The following RIMS1 variants were observed in gnomAD, a reference collection of about 807,000 sequenced individuals.
The protein encoded by RIMS1 is regulating synaptic membrane exocytosis protein 1.
Under a neutral mutation model 214.1 loss-of-function variants are expected in RIMS1, and 83 were observed. The observed-to-expected ratio is 0.39, with a 90% CI of 0.32 to 0.47. The LOEUF (loss-of-function observed/expected upper bound fraction) is 0.47, where lower values mean the gene tolerates loss of function less well. Ranked by LOEUF, RIMS1 falls within the 20% of genes least tolerant of loss-of-function variation. The pLI is 0.99. For missense variants in RIMS1, 2,050 were observed against 2,161.8 expected (o/e 0.95, Z 1.03); for synonymous variants, 793 against 786.8 (o/e 1.01, Z -0.13).
At chr6:72,268,697 T>C (rs988520293) in intron 22 of RIMS1, among the ~76,000 whole-genome samples, 2 of 152,106 alleles carry the variant, frequency 1.3e-5, no homozygotes, top group African/African-American at 2.4e-5. Flanking sequence ...AACAGATGAG[T>C]TTTGAATAAT....
chr6:72,392,635 G>A, intron 30 of RIMS1, 63 bp from the exon 31 acceptor site: 2 of 1,123,400 alleles, frequency 1.8e-6, no homozygotes, highest in Non-Finnish European at 1.4e-6. Context: ...GTGGAAACTA[G>A]TGAAAAGAAT....
intron 29 of RIMS1, among the ~76,000 whole-genome samples, chr6:72,371,253 C>T (rs905577986): frequency 5.9e-5 from 9 of 152,172 alleles, no homozygotes; most frequent in South Asian, 4.1e-4. Context: ...CTATGTGTGA[C>T]ATCCCCCCAG....
intron 29 of RIMS1, among the ~76,000 whole-genome samples, chr6:72,364,250 T>G (rs2097916676): frequency 6.6e-6 from 1 of 152,204 alleles, no homozygotes; most frequent in South Asian, 2.1e-4. Flanking sequence ...TGTAAAAGCT[T>G]ACTGCCCCTT....
At chr6:72,373,740 A>C (rs1473498378) in intron 29 of RIMS1, among the ~76,000 whole-genome samples, 2 of 152,090 alleles carry the variant, frequency 1.3e-5, no homozygotes, top group African/African-American at 4.8e-5. Context: ...GAAGTAATTT[A>C]GTCAATTCCT....
chr6:72,027,916 A>G (rs1444319129), intron 2 of RIMS1, among the ~76,000 whole-genome samples: 1 of 152,084 alleles, frequency 6.6e-6, no homozygotes, highest in Non-Finnish European at 1.5e-5. Context: ...TATTCTGTTG[A>G]GGCATTAAGT....
Position 72,171,513 on chromosome 6 carries a change from A to G in RIMS1, c.472-8062A>G, listed in dbSNP as rs1049907069. ...AACCATTATAATGCTGATAATGCTT[A>G]CTTACTATATTTCAGGCACTATGCT... On this transcript the variant is annotated intron_variant, in intron 4 of 33. Transcript: ENST00000521978. Among the ~76,000 whole-genome samples the G allele has an allele frequency of 4.6e-5, 7 of 152,148 alleles. 1 individual carries two copies. In the East Asian group the frequency reaches 1.2e-3, roughly 25 times the overall value.
At chr6:72,233,723 A>T in intron 6 of RIMS1, 50 bp from the exon 7 acceptor site, 1 of 1,281,538 alleles carries the variant, frequency 7.8e-7, no homozygotes, top group Non-Finnish European at 1.1e-6. Context: ...AAAGTGATAC[A>T]CTCTTCTCTT....
At position 72,017,985 on chromosome 6, in the gene RIMS1, A is replaced by G. The variant is rs1380753742; in HGVS notation, c.245+48922A>G. Among the ~76,000 whole-genome samples the G allele has an allele frequency of 1.3e-5, 2 of 152,208 alleles. 1 individual carries two copies. Among genetic ancestry groups the G allele is most frequent in the East Asian group, 3.8e-4 (2 of 5,198 alleles). On this transcript the variant is annotated intron_variant, in intron 2 of 33. Transcript: ENST00000521978. ...CAAAGTGGCAGATCTTTATTAGCCA[A>G]TGGAGGCACTTTGGATTCTGCTTTG...
intron 23 of RIMS1, 117 bp from the exon 24 acceptor site, chr6:72,283,930 G>A: frequency 2.7e-6 from 2 of 729,894 alleles, no homozygotes; most frequent in Non-Finnish European, 2.3e-6. Flanking sequence ...AGTACTGACT[G>A]ACAAAATCAT....
chr6:72,222,079 T>C (rs572346675), intron 6 of RIMS1, among the ~76,000 whole-genome samples: 26 of 152,166 alleles, frequency 1.7e-4, no homozygotes, highest in Middle Eastern at 3.4e-3. Context: ...TTATAAAATA[T>C]GAAAAATTGA....
chr6:72,249,548 C>CT (rs1268956545), intron 12 of RIMS1, among the ~76,000 whole-genome samples: 1 of 152,044 alleles, frequency 6.6e-6, no homozygotes, highest in Admixed American at 6.6e-5. Context: ...AATCCCAGCA[C>CT]TTTGAGAGAC....
chr6:72,079,499 T>C (rs140254519), intron 2 of RIMS1, among the ~76,000 whole-genome samples: 2 of 152,324 alleles, frequency 1.3e-5, no homozygotes, highest in Admixed American at 6.5e-5. Context: ...TTTTCTTTGA[T>C]GTCACTCAGG....
At chr6:72,109,775 C>T in intron 4 of RIMS1, among the ~76,000 whole-genome samples, 2 of 151,980 alleles carry the variant, frequency 1.3e-5, no homozygotes, top group South Asian at 2.1e-4. Context: ...AAGTCCTTGC[C>T]CATGCCTGTG....
At chr6:71,965,597 A>G (rs1469333282) in intron 1 of RIMS1, among the ~76,000 whole-genome samples, 3 of 152,012 alleles carry the variant, frequency 2.0e-5, no homozygotes. Flanking sequence ...CATTCATAAA[A>G]CCCAGCAGCG....
chr6:71,914,998 A>C (rs1045858287), intron 1 of RIMS1, among the ~76,000 whole-genome samples: 12 of 152,122 alleles, frequency 7.9e-5, no homozygotes, highest in African/African-American at 2.9e-4. Flanking sequence ...TTTAAGTATA[A>C]AAGGAAATGT....
intron 2 of RIMS1, among the ~76,000 whole-genome samples, chr6:72,020,020 A>G (rs1180887746): frequency 6.6e-6 from 1 of 152,212 alleles, no homozygotes; most frequent in East Asian, 1.9e-4. Context: ...TCAGAGGCAG[A>G]AAACTGGGGT....
chr6:72,259,163 A>G, intron 18 of RIMS1, 52 bp downstream of exon 18: 1 of 1,489,418 alleles, frequency 6.7e-7, no homozygotes, highest in Non-Finnish European at 9.3e-7. Flanking sequence ...TTCTGTTTTA[A>G]TATATACAGA....
chr6:72,182,882 A>C lies in RIMS1; in HGVS notation c.1411A>C (p.Arg471=), dbSNP rs939523574. The part of the protein sequence containing the change: ...APELKAQEPL[R]KQSRLDPSSA... ...GGAGCTCAAAGCCCAGGAGCCCCTC[A>C]GGAAGCAGAGCCGCCTGGACCCCAG... Residue 471 remains arginine (R), a synonymous_variant, in exon 6 of 34, where the codon AGG becomes CGG. Coordinates refer to ENST00000521978, the MANE Select transcript of RIMS1 (RefSeq NM_014989.7). 1.0e-5 allele frequency: 16 copies of C among 1,566,584 alleles called. No individual in the cohort carries two copies. Among genetic ancestry groups the C allele is most frequent in the Non-Finnish European group, 1.4e-5 (16 of 1,157,584 alleles).
At chr6:72,191,249 G>T (rs575733488) in intron 6 of RIMS1, among the ~76,000 whole-genome samples, 5 of 152,328 alleles carry the variant, frequency 3.3e-5, no homozygotes, top group Non-Finnish European at 5.9e-5. Flanking sequence ...GGCCCACTAG[G>T]TGTTATGCTT....
Sources: allele counts gnomAD v4.1 joint callset (sites outside exome capture counted in the v4.1 genomes callset), GRCh38; gene constraint gnomAD v4.1.1; transcripts MANE v1.5; gene names NCBI Gene and HGNC (gene_info 2026-07-23, HGNC 2026-07-21).